CEP112: variants seen among roughly 807,000 people sequenced by gnomAD.
CEP112 encodes the protein centrosomal protein of 112 kDa.
A neutral mutation model predicts 153.0 loss-of-function variants in CEP112; 127 were observed. The observed-to-expected ratio is 0.83, with a 90% CI of 0.72 to 0.96. The LOEUF (loss-of-function observed/expected upper bound fraction) is 0.96, where lower values mean the gene tolerates loss of function less well. Among genes scored for constraint, CEP112 ranks in the 40% least tolerant of loss-of-function variants. CEP112 has a pLI of 0.00. For missense variants in CEP112, 1,089 were observed against 1,101.2 expected, an observed-to-expected ratio of 0.99 and a Z score of 0.16; for synonymous variants, 358 against 374.4, an observed-to-expected ratio of 0.96 and a Z score of 0.51.
chr17:65,943,537 G>A (rs1056435464), intron 18 of CEP112, among the ~76,000 whole-genome samples: 22 of 152,000 alleles, frequency 1.4e-4, no homozygotes, highest in African/African-American at 4.8e-4. Context: ...AATATTGGCC[G>A]CCAATCTCTT....
At chr17:66,061,697 G>C (rs1281796606) in intron 11 of CEP112, among the ~76,000 whole-genome samples, 1 of 152,014 alleles carries the variant, frequency 6.6e-6, no homozygotes, top group Non-Finnish European at 1.5e-5. Context: ...ACTGGGAGCA[G>C]AAAAACAAAT....
chr17:65,674,591 A>G (rs1049510458), intron 24 of CEP112, among the ~76,000 whole-genome samples: 1 of 152,126 alleles, frequency 6.6e-6, no homozygotes, highest in Non-Finnish European at 1.5e-5. Context: ...AAAGGGCTAC[A>G]CTCTAGGAGT....
At chr17:65,827,857 GC>G (rs1401270349) in intron 21 of CEP112, among the ~76,000 whole-genome samples, 1 of 152,118 alleles carries the variant, frequency 6.6e-6, no homozygotes, top group Non-Finnish European at 1.5e-5. Flanking sequence ...ATATCAACAT[GC>G]CTCACTCGAC....
chr17:65,970,358 C>A (rs62064274), intron 17 of CEP112, among the ~76,000 whole-genome samples: 2 of 83,306 alleles, frequency 2.4e-5, no homozygotes, highest in Non-Finnish European at 4.9e-5. Flanking sequence ...GCACTATGTG[C>A]CTATATTACA....
chr17:65,937,210 G>A (rs1266178856), intron 18 of CEP112, among the ~76,000 whole-genome samples: 4 of 134,214 alleles, frequency 3.0e-5, no homozygotes, highest in South Asian at 3.2e-4. Context: ...CCAAAGTGCC[G>A]AGATTGCAGC....
intron 8 of CEP112, among the ~76,000 whole-genome samples, chr17:66,088,587 C>G (rs528645469): frequency 1.1e-3 from 162 of 152,142 alleles, no homozygotes; most frequent in African/African-American, 3.7e-3. Flanking sequence ...GCCAACACAA[C>G]CCCATGCTTT....
At chr17:66,004,804 T>G (rs2064204492) in intron 17 of CEP112, among the ~76,000 whole-genome samples, 1 of 152,208 alleles carries the variant, frequency 6.6e-6, no homozygotes, top group Admixed American at 6.5e-5. Context: ...TGGCCTTTCT[T>G]TAAGTCATTC....
At chr17:65,944,166 C>T (rs2061582579) in intron 18 of CEP112, among the ~76,000 whole-genome samples, 1 of 152,152 alleles carries the variant, frequency 6.6e-6, no homozygotes, top group African/African-American at 2.4e-5. Flanking sequence ...AAAGAGAACA[C>T]ATAGACACAG....
At chr17:65,972,206 G>T (rs755570463) in intron 17 of CEP112, among the ~76,000 whole-genome samples, 5 of 152,160 alleles carry the variant, frequency 3.3e-5, no homozygotes, top group Non-Finnish European at 7.3e-5. Flanking sequence ...TGCATATTTT[G>T]TGATCATTGT....
At chr17:65,841,311 C>G (rs572702914) in intron 21 of CEP112, among the ~76,000 whole-genome samples, 1 of 151,902 alleles carries the variant, frequency 6.6e-6, no homozygotes, top group African/African-American at 2.4e-5. Context: ...CAGAGTATGA[C>G]TCAGCTATAA....
intron 24 of CEP112, among the ~76,000 whole-genome samples, chr17:65,684,605 C>T (rs548483346): frequency 3.8e-4 from 58 of 152,236 alleles, no homozygotes; most frequent in Admixed American, 5.2e-4. Flanking sequence ...CTGTGAATAA[C>T]GAAACATTGT....
chr17:66,108,331 A>G (rs2068872737), intron 6 of CEP112, among the ~76,000 whole-genome samples: 1 of 152,198 alleles, frequency 6.6e-6, no homozygotes, highest in Admixed American at 6.5e-5. Flanking sequence ...GCTTCTGCAC[A>G]ACCAAGGAAA....
intron 6 of CEP112, among the ~76,000 whole-genome samples, chr17:66,096,967 C>T (rs2068373361): frequency 6.6e-6 from 1 of 152,192 alleles, no homozygotes; most frequent in Admixed American, 6.5e-5. Context: ...GTTCTCATGC[C>T]TGTCCACCTC....
At chr17:65,724,479 A>T (rs1360727795) in intron 23 of CEP112, among the ~76,000 whole-genome samples, 1 of 152,212 alleles carries the variant, frequency 6.6e-6, no homozygotes, top group African/African-American at 2.4e-5. Flanking sequence ...TTGTTCCATG[A>T]TTTATAAGGC....
intron 8 of CEP112, among the ~76,000 whole-genome samples, chr17:66,079,406 C>T (rs963150519): frequency 6.6e-6 from 1 of 152,070 alleles, no homozygotes; most frequent in African/African-American, 2.4e-5. Context: ...GAAAACAGTG[C>T]AAACAAACCT....
intron 21 of CEP112, among the ~76,000 whole-genome samples, chr17:65,833,824 A>AT (rs2057189371): frequency 6.6e-6 from 1 of 152,186 alleles, no homozygotes; most frequent in Non-Finnish European, 1.5e-5. Context: ...TGCCAATGAT[A>AT]TTTTTCACAC....
intron 21 of CEP112, among the ~76,000 whole-genome samples, chr17:65,849,832 T>C (rs2057861910): frequency 6.6e-6 from 1 of 152,162 alleles, no homozygotes; most frequent in Admixed American, 6.5e-5. Flanking sequence ...TTATCTGCTA[T>C]TGTCAAAGTC....
rs557183546 is a variant in CEP112 at position 66,189,429 on chromosome 17, G to A, written c.-9+2568C>T. Among the ~76,000 whole-genome samples the A allele has an allele frequency of 2.6e-3, 398 of 151,634 alleles. 1 individual carries two copies. The highest frequency in any genetic ancestry group is 8.7e-3 in the African/African-American group (361 of 41,316). Reference sequence around the variant, plus strand: ...TGAAGCAGGAGAATCGCTTGAACCCGGGAGGCGGAGTTTGCAGTGAGCTGA... The same window carrying A: ...TGAAGCAGGAGAATCGCTTGAACCCAGGAGGCGGAGTTTGCAGTGAGCTGA... On this transcript the variant is annotated intron_variant, in intron 1 of 26. Transcript: ENST00000535342.
At chr17:66,159,178 T>G (rs1391584827) in intron 4 of CEP112, among the ~76,000 whole-genome samples, 1 of 152,128 alleles carries the variant, frequency 6.6e-6, no homozygotes, top group Non-Finnish European at 1.5e-5. Context: ...AATAGACCAA[T>G]AACAAGTTCT....
Sources: allele counts gnomAD v4.1 joint callset (sites outside exome capture counted in the v4.1 genomes callset), GRCh38; gene constraint gnomAD v4.1.1; transcripts MANE v1.5; gene names NCBI Gene and HGNC (gene_info 2026-07-23, HGNC 2026-07-21).